The following TCEA1 variants were observed in gnomAD, a reference collection of about 807,000 sequenced individuals.
The protein encoded by TCEA1 is transcription elongation factor A protein 1.
Under a neutral mutation model 43.8 loss-of-function variants are expected in TCEA1, and 21 were observed. That is an observed-to-expected ratio of 0.48 (90% CI 0.34 to 0.69). The LOEUF (loss-of-function observed/expected upper bound fraction) is 0.69. TCEA1 is among the 30% of genes least tolerant of loss of function. The pLI is 0.01. For synonymous variants in TCEA1, 104 were observed against 117.5 expected, an observed-to-expected ratio of 0.88 and a Z score of 0.75; for missense variants, 250 against 365.1, an observed-to-expected ratio of 0.68 and a Z score of 2.57.
At chr8:54,013,896 C>T (rs961689463) in intron 1 of TCEA1, among the ~76,000 whole-genome samples, 1 of 152,026 alleles carries the variant, frequency 6.6e-6, no homozygotes, top group African/African-American at 2.4e-5. Flanking sequence ...CTCCATTTTA[C>T]AGATGAGGAA....
intron 1 of TCEA1, among the ~76,000 whole-genome samples, chr8:54,017,707 G>C (rs1804879589): frequency 6.6e-6 from 1 of 152,214 alleles, no homozygotes; most frequent in Non-Finnish European, 1.5e-5. Flanking sequence ...AATCACTTGA[G>C]GTCAGGATGT....
chr8:53,982,613 CAAAAAAAAAAAA>C (rs558788906), intron 7 of TCEA1, among the ~76,000 whole-genome samples: 2 of 57,802 alleles, frequency 3.5e-5, no homozygotes, highest in East Asian at 5.4e-4. Flanking sequence ...CATTCCCCAC[CAAAAAAAAAAAA>C]AAAAAAAAAA....
intron 4 of TCEA1, among the ~76,000 whole-genome samples, chr8:53,989,029 C>T (rs531235325): frequency 1.3e-5 from 2 of 151,652 alleles, no homozygotes; most frequent in East Asian, 3.9e-4. Context: ...GACTGCACCA[C>T]TGCACTCCAG....
intron 2 of TCEA1, 54 bp downstream of exon 2, chr8:54,010,376 G>T: frequency 3.0e-6 from 4 of 1,312,860 alleles, no homozygotes; most frequent in Non-Finnish European, 4.3e-6. Context: ...AAGATGTTTT[G>T]GTATTTTATG....
At position 53,966,918 on chromosome 8, in the gene TCEA1, A is replaced by C. The variant is rs930583650; in HGVS notation, c.*1186T>G. On this transcript the variant is annotated 3_prime_UTR_variant, in exon 10 of 10. Coordinates refer to ENST00000521604, the MANE Select transcript of TCEA1 (RefSeq NM_006756.4). ...AACAGTGGCCTTTAAAGTATGCTAG[A>C]GCAAGTGTACCCTAGGGAACCTATG... 48 of 204,370 alleles carry C rather than the reference A, an allele frequency of 2.3e-4. No individual in the cohort carries two copies. The highest frequency in any genetic ancestry group is 4.5e-4 in the Non-Finnish European group (45 of 100,050). 12.7% of individuals were successfully genotyped at this position (204,370 alleles called of 1,614,324 possible).
intron 2 of TCEA1, among the ~76,000 whole-genome samples, chr8:54,007,255 A>C (rs150245175): frequency 6.6e-6 from 1 of 152,338 alleles, no homozygotes; most frequent in African/African-American, 2.4e-5. Flanking sequence ...AATACATAGG[A>C]TTATGAAGCA....
intron 2 of TCEA1, among the ~76,000 whole-genome samples, chr8:54,004,354 C>T (rs756925764): frequency 3.9e-4 from 60 of 152,166 alleles, no homozygotes; most frequent in Non-Finnish European, 6.0e-4. Context: ...CAGTGTGATA[C>T]ATAACAGCCA....
rs1289418618 is a variant in TCEA1 at position 54,022,382 on chromosome 8, G to A, written c.-257C>T. On this transcript the variant is annotated 5_prime_UTR_variant, in exon 1 of 10. Coordinates refer to ENST00000521604, the MANE Select transcript of TCEA1 (RefSeq NM_006756.4). The stretch of plus-strand genomic sequence containing the variant: ...CGCTACCAACTGACTGCAGATCGCT[G>A]GTGAGGGGCGAGCCCATGTTCCCGC... The A allele has an allele frequency of 1.9e-6, 1 of 527,806 alleles. No homozygotes were observed. Among genetic ancestry groups the A allele is most frequent in the Non-Finnish European group, 3.3e-6 (1 of 301,020 alleles). The allele number at this position is 527,806 out of a possible 1,614,324, so 32.7% of individuals were successfully genotyped here. A position where few individuals can be genotyped will look rare whatever the true frequency, so the allele number is the denominator to read the frequency against.
chr8:54,013,736 A>G (rs1031193456), intron 1 of TCEA1, among the ~76,000 whole-genome samples: 1 of 151,566 alleles, frequency 6.6e-6, no homozygotes, highest in African/African-American at 2.4e-5. Context: ...AATAACTATG[A>G]TGATCTGAAT....
At chr8:54,002,431 T>G (rs1804299418) in intron 2 of TCEA1, among the ~76,000 whole-genome samples, 2 of 149,208 alleles carry the variant, frequency 1.3e-5, no homozygotes, top group Non-Finnish European at 1.5e-5. Context: ...ATTGCACCAC[T>G]GCACTCCAGC....
intron 3 of TCEA1, among the ~76,000 whole-genome samples, chr8:53,998,964 C>T (rs778600664): frequency 3.9e-5 from 6 of 152,110 alleles, no homozygotes; most frequent in Non-Finnish European, 7.4e-5. Flanking sequence ...CGAGGTGGCT[C>T]ACGCCTGTAA....
At chr8:53,998,302 G>A (rs1221736963) in intron 3 of TCEA1, among the ~76,000 whole-genome samples, 2 of 152,128 alleles carry the variant, frequency 1.3e-5, no homozygotes, top group Non-Finnish European at 2.9e-5. Context: ...TATTGCCATA[G>A]GAGGAAGCTG....
At chr8:53,995,311 A>AAAAAG (rs1563492240) in intron 3 of TCEA1, among the ~76,000 whole-genome samples, 12 of 148,552 alleles carry the variant, frequency 8.1e-5, no homozygotes, top group South Asian at 2.1e-4. Flanking sequence ...AAAAAAAAAA[A>AAAAAG]AAAAGAAAAA....
At chr8:53,974,920 AAT>A (rs919400094) in intron 8 of TCEA1, among the ~76,000 whole-genome samples, 6 of 150,982 alleles carry the variant, frequency 4.0e-5, no homozygotes, top group Admixed American at 6.6e-5. Context: ...GATAATTTGA[AAT>A]ATATATATAT....
chr8:54,021,941 G>A (rs889808197), intron 1 of TCEA1, 122 bp downstream of exon 1: 4 of 1,015,948 alleles, frequency 3.9e-6, no homozygotes, highest in East Asian at 3.4e-5. Context: ...CGGGCGCGGC[G>A]GGCCCGGCTC....
chr8:53,981,591 G>A (rs1025169245), intron 7 of TCEA1, among the ~76,000 whole-genome samples: 1 of 152,114 alleles, frequency 6.6e-6, no homozygotes, highest in African/African-American at 2.4e-5. Flanking sequence ...TCAGAAAAAA[G>A]ATTTCTTTCA....
intron 6 of TCEA1, 57 bp downstream of exon 6, chr8:53,986,912 G>A: frequency 7.2e-7 from 1 of 1,380,674 alleles, no homozygotes; most frequent in Non-Finnish European, 9.9e-7. Flanking sequence ...ATTTGCATAT[G>A]TTCAATAAAT....
Position 53,983,586 on chromosome 8 carries a change from T to C in TCEA1, c.678+777A>G, listed in dbSNP as rs533656355. Among the ~76,000 whole-genome samples, 10 of 152,188 alleles carry C rather than the reference T, an allele frequency of 6.6e-5. No homozygotes were observed. The East Asian group carries it at 1.5e-3, about 24-fold the overall frequency. ...GAGAATCTGAAGCAGGAGAATCGCTTGAACCCGGGAGGCAGAGGTTGCAGT... is the reference window on the plus strand; with the variant it reads ...GAGAATCTGAAGCAGGAGAATCGCTCGAACCCGGGAGGCAGAGGTTGCAGT... On this transcript the variant is annotated intron_variant, in intron 7 of 9. Transcript: ENST00000521604.
Position 53,973,153 on chromosome 8 carries a change from A to G in TCEA1, c.826-2690T>C, listed in dbSNP as rs550860665. The G allele has an allele frequency of 2.4e-4, 134 of 548,210 alleles. No individual in the cohort carries two copies. The Admixed American group carries it at 3.4e-3, about 14-fold the overall frequency. The allele number at this position is 548,210 out of a possible 1,614,324, so 34.0% of individuals were successfully genotyped here. ...GATGATGAAGTCAATGTAGAAGAAG[A>G]TGGGAAAACAAAAGTCAGAAGGACG... On this transcript the variant is annotated intron_variant, in intron 8 of 9. Coordinates refer to ENST00000521604, the MANE Select transcript of TCEA1 (RefSeq NM_006756.4).
Sources: allele counts gnomAD v4.1 joint callset (sites outside exome capture counted in the v4.1 genomes callset), GRCh38; gene constraint gnomAD v4.1.1; transcripts MANE v1.5; gene names NCBI Gene and HGNC (gene_info 2026-07-23, HGNC 2026-07-21).